JCAD: variants seen among roughly 807,000 people sequenced by gnomAD.
The protein encoded by JCAD is junctional cadherin 5-associated protein.
JCAD carries 40 observed loss-of-function variants against 98.0 expected under a neutral mutation model. That is an observed-to-expected ratio of 0.41 (90% CI 0.32 to 0.53). JCAD has a LOEUF of 0.53. Among genes scored for constraint, JCAD ranks in the 20% least tolerant of loss-of-function variants. JCAD has a pLI of 0.31. For missense variants in JCAD, 1,705 were observed against 1,738.1 expected (o/e 0.98, Z 0.34); for synonymous variants, 691 against 682.3 (o/e 1.01, Z -0.20).
Position 30,028,166 on chromosome 10 carries a change from G to C in JCAD, c.1982C>G (p.Thr661Arg). 1 of 1,614,208 alleles carries C rather than the reference G, an allele frequency of 6.2e-7. No individual in the cohort carries two copies. Among genetic ancestry groups the C allele is most frequent in the Admixed American group, 1.7e-5 (1 of 60,022 alleles). ...DLGEPEEDRQ[T>R]NDLSFIHLTK... The stretch of plus-strand genomic sequence containing the variant: ...AAGGTGGATGAAACTGAGGTCATTT[G>C]TTTGTCTGTCTTCTTCTGGTTCCCC... The change falls in exon 3 of 4, where the codon ACA becomes AGA. Residue 661 changes from threonine to arginine, a missense_variant. Transcript: ENST00000375377.
intron 1 of JCAD, among the ~76,000 whole-genome samples, chr10:30,112,515 A>G (rs1838721327): frequency 6.6e-6 from 1 of 152,116 alleles, no homozygotes; most frequent in African/African-American, 2.4e-5. Context: ...AAACGAAAAA[A>G]ATTACAATGC....
At chr10:30,055,530 T>C (rs559489308) in intron 1 of JCAD, among the ~76,000 whole-genome samples, 1 of 152,372 alleles carries the variant, frequency 6.6e-6, no homozygotes, top group South Asian at 2.1e-4. Flanking sequence ...CCAGTCTTAA[T>C]TATTAAATAA....
At chr10:30,080,461 G>A (rs1838061750) in intron 1 of JCAD, among the ~76,000 whole-genome samples, 1 of 152,086 alleles carries the variant, frequency 6.6e-6, no homozygotes, top group South Asian at 2.1e-4. Flanking sequence ...TCTTATGTCT[G>A]GGGCTCTTCT....
Position 30,017,873 on chromosome 10 carries a change from C to G in JCAD, c.*10G>C. 6.2e-7 allele frequency: 1 copy of G among 1,611,774 alleles called. No homozygotes were observed. On this transcript the variant is annotated 3_prime_UTR_variant, in exon 4 of 4. Coordinates refer to ENST00000375377, the MANE Select transcript of JCAD (RefSeq NM_020848.4). ...ATTCGCAACGGAATGCAAGCTCCAC[C>G]GGCATTTCATCACACCCTCTCCACT... is the stretch of plus-strand genomic sequence containing the variant.
At chr10:30,050,837 A>G (rs1384852608) in intron 1 of JCAD, among the ~76,000 whole-genome samples, 1 of 152,252 alleles carries the variant, frequency 6.6e-6, no homozygotes, top group East Asian at 1.9e-4. Flanking sequence ...TGCAGCACAC[A>G]TGAAATCTAA....
intron 1 of JCAD, among the ~76,000 whole-genome samples, chr10:30,111,525 G>A (rs1838702230): frequency 6.6e-6 from 1 of 152,158 alleles, no homozygotes; most frequent in Non-Finnish European, 1.5e-5. Context: ...CAGAATCTCT[G>A]TCTTCATGAG....
chr10:30,097,418 T>G (rs932732243), intron 1 of JCAD, among the ~76,000 whole-genome samples: 4 of 152,080 alleles, frequency 2.6e-5, no homozygotes, highest in Non-Finnish European at 4.4e-5. Flanking sequence ...GAGTTTTCTA[T>G]TTTTCATCCT....
At chr10:30,039,684 A>G (rs1837202846) in intron 2 of JCAD, among the ~76,000 whole-genome samples, 1 of 152,186 alleles carries the variant, frequency 6.6e-6, no homozygotes, top group Non-Finnish European at 1.5e-5. Context: ...GGGCACGTGC[A>G]GAGGGGTGGT....
rs1433254913 is a variant in JCAD at position 30,047,519 on chromosome 10, C to T, written c.281+13G>A. 1.2e-6 allele frequency: 2 copies of T among 1,606,590 alleles called. No homozygotes were observed. The highest frequency in any genetic ancestry group is 1.3e-5 in the African/African-American group (1 of 74,482). ...GAGTCAAAAGAAAACGGTGGGTTCA[C>T]AGTGAAACTTACCCCGCCTCCGAGG... On this transcript the variant is annotated intron_variant, in intron 2 of 3. Coordinates refer to ENST00000375377, the MANE Select transcript of JCAD (RefSeq NM_020848.4).
At chr10:30,046,548 G>C (rs995820511) in intron 2 of JCAD, among the ~76,000 whole-genome samples, 26 of 152,280 alleles carry the variant, frequency 1.7e-4, no homozygotes, top group African/African-American at 5.5e-4. Flanking sequence ...GCAAAATATT[G>C]AATTGTGTTA....
In JCAD at chr10:30,014,577, G is replaced by A. The variant is rs1174119440; in HGVS notation, c.*3306C>T. On this transcript the variant is annotated 3_prime_UTR_variant, in exon 4 of 4. Coordinates refer to ENST00000375377, the MANE Select transcript of JCAD (RefSeq NM_020848.4). ...ATCTCTGGGGGTCACAAGATGAAATGGTAGGTGAATGTTATCTTCTATCAG... is the reference window on the plus strand; with the variant it reads ...ATCTCTGGGGGTCACAAGATGAAATAGTAGGTGAATGTTATCTTCTATCAG... 1 of 152,174 alleles carries A rather than the reference G, an allele frequency of 6.6e-6. No individual in the cohort carries two copies. The highest frequency in any genetic ancestry group is 1.5e-5 in the Non-Finnish European group (1 of 68,034). The allele number at this position is 152,174 out of a possible 1,614,324, so 9.4% of individuals were successfully genotyped here. A position where few individuals can be genotyped will look rare whatever the true frequency, so the allele number is the denominator to read the frequency against.
At chr10:30,090,485 G>A (rs904521097) in intron 1 of JCAD, among the ~76,000 whole-genome samples, 1 of 151,068 alleles carries the variant, frequency 6.6e-6, no homozygotes, top group Non-Finnish European at 1.5e-5. Context: ...AGGTTGCAAT[G>A]AGCCGAGATT....
At chr10:30,093,207 A>G (rs1298925963) in intron 1 of JCAD, among the ~76,000 whole-genome samples, 1 of 152,140 alleles carries the variant, frequency 6.6e-6, no homozygotes, top group Non-Finnish European at 1.5e-5. Context: ...AGATACTGAG[A>G]CCATGCCAGG....
intron 2 of JCAD, among the ~76,000 whole-genome samples, chr10:30,039,828 C>T (rs115596229): frequency 0.015 from 2,236 of 152,088 alleles, 64 homozygotes; most frequent in East Asian, 0.088. Context: ...GGAACGCTGT[C>T]GGCAGCGTCC....
chr10:30,092,661 G>A (rs1838304683), intron 1 of JCAD, among the ~76,000 whole-genome samples: 1 of 152,094 alleles, frequency 6.6e-6, no homozygotes, highest in African/African-American at 2.4e-5. Context: ...ACAGCACCCA[G>A]CCAGCACGTT....
intron 2 of JCAD, among the ~76,000 whole-genome samples, chr10:30,040,446 G>A (rs1250466485): frequency 1.3e-5 from 2 of 152,240 alleles, no homozygotes; most frequent in Non-Finnish European, 2.9e-5. Flanking sequence ...TTTCACCAGT[G>A]TGAACCACAG....
At chr10:30,076,335 C>T (rs1233924603) in intron 1 of JCAD, among the ~76,000 whole-genome samples, 1 of 152,114 alleles carries the variant, frequency 6.6e-6, no homozygotes, top group African/African-American at 2.4e-5. Flanking sequence ...CCAACAGGGA[C>T]TTTTTGAGCA....
chr10:30,047,100 C>G (rs547468091), intron 2 of JCAD, among the ~76,000 whole-genome samples: 1 of 151,852 alleles, frequency 6.6e-6, no homozygotes, highest in Non-Finnish European at 1.5e-5. Context: ...AAAAGGTGGC[C>G]GGGTGCAGTG....
rs1291659728 is a variant in JCAD, at chr10:30,028,393, G to A, written c.1755C>T (p.Ile585=). The change falls in exon 3 of 4, where the codon ATC becomes ATT. Residue 585 remains isoleucine, a synonymous_variant. Coordinates refer to ENST00000375377, the MANE Select transcript of JCAD (RefSeq NM_020848.4). ...GCAGATGTGATTCTGATTTCACTGG[G>A]ATAGAAACCAAGCAAAATATAGTCT... ...MNETIFCLVS[I]PVKSESHLPD... is the part of the protein sequence containing the mutation. 3.7e-6 allele frequency: 6 copies of A among 1,614,186 alleles called. No homozygotes were observed. The South Asian group carries it at 5.5e-5, about 15-fold the overall frequency.
Sources: gnomAD v4.1 joint callset for allele counts (sites outside exome capture counted in the v4.1 genomes callset) on GRCh38, gnomAD v4.1.1 for gene constraint, MANE v1.5 for transcripts, NCBI Gene and HGNC (gene_info 2026-07-23, HGNC 2026-07-21) for gene names.